TRMT9B: variants seen among roughly 807,000 people sequenced by gnomAD.
TRMT9B encodes probable tRNA methyltransferase 9B.
TRMT9B carries 16 observed loss-of-function variants against 11.5 expected under a neutral mutation model. The ratio of observed to expected loss-of-function variants is 1.39; its 90% confidence interval spans 0.94 to 2.11. TRMT9B has a LOEUF of 2.11. Among genes scored for constraint, TRMT9B ranks in the 30% most tolerant of loss-of-function variants. The pLI is 0.00. For missense variants in TRMT9B, 941 were observed against 553.8 expected (o/e 1.70, Z -7.02); for synonymous variants, 274 against 192.4 (o/e 1.42, Z -3.51).
At chr8:12,994,665 C>T (rs957437827) in intron 2 of TRMT9B, among the ~76,000 whole-genome samples, 1 of 152,256 alleles carries the variant, frequency 6.6e-6, no homozygotes, top group South Asian at 2.1e-4. Context: ...GCAATTTAAA[C>T]GACAAGAAAC....
chr8:12,970,614 G>C (rs912373288), intron 1 of TRMT9B, among the ~76,000 whole-genome samples: 2 of 152,240 alleles, frequency 1.3e-5, no homozygotes, highest in Non-Finnish European at 2.9e-5. Flanking sequence ...TCAAATGTGT[G>C]AGATGGTTAA....
chr8:12,983,788 G>C (rs1472590103), intron 1 of TRMT9B, among the ~76,000 whole-genome samples: 1 of 152,038 alleles, frequency 6.6e-6, no homozygotes, highest in Non-Finnish European at 1.5e-5. Context: ...TAAAATACAG[G>C]GTACAGTAGC....
At chr8:13,010,807 C>G in intron 3 of TRMT9B, 4 of 983,006 alleles carry the variant, frequency 4.1e-6, no homozygotes, top group Non-Finnish European at 4.8e-6. Context: ...TTTTGAAATA[C>G]ACAGGATTTT....
intron 2 of TRMT9B, among the ~76,000 whole-genome samples, chr8:12,998,286 T>A (rs1391887376): frequency 6.6e-6 from 1 of 152,244 alleles, no homozygotes; most frequent in Non-Finnish European, 1.5e-5. Flanking sequence ...GTAAGAAATT[T>A]TAACTTACTC....
intron 4 of TRMT9B, among the ~76,000 whole-genome samples, chr8:13,019,752 T>G (rs539473006): frequency 6.6e-6 from 1 of 152,322 alleles, no homozygotes; most frequent in South Asian, 2.1e-4. Flanking sequence ...AAAGGACTCT[T>G]CTTTTCGGGA....
At chr8:13,000,947 G>A (rs1440512146) in intron 2 of TRMT9B, among the ~76,000 whole-genome samples, 1 of 152,064 alleles carries the variant, frequency 6.6e-6, no homozygotes, top group Non-Finnish European at 1.5e-5. Context: ...ACTGTAAAAT[G>A]AACAGGTTTC....
intron 2 of TRMT9B, among the ~76,000 whole-genome samples, chr8:12,998,612 C>T (rs1563392462): frequency 1.3e-5 from 2 of 152,210 alleles, no homozygotes; most frequent in African/African-American, 4.8e-5. Context: ...GTATAAAAAG[C>T]ACCGTCTTGA....
intron 1 of TRMT9B, among the ~76,000 whole-genome samples, chr8:12,985,681 A>G (rs979507046): frequency 6.6e-6 from 1 of 152,156 alleles, no homozygotes; most frequent in Admixed American, 6.6e-5. Flanking sequence ...AATTAAATTT[A>G]GTTATAGTAG....
intron 1 of TRMT9B, among the ~76,000 whole-genome samples, chr8:12,966,195 T>A (rs919958080): frequency 2.0e-5 from 3 of 151,856 alleles, no homozygotes; most frequent in Non-Finnish European, 4.4e-5. Flanking sequence ...TAGCCTGGCA[T>A]GGTGACCCAT....
chr8:12,952,402 G>T (rs1295950443), intron 1 of TRMT9B: 4 of 311,968 alleles, frequency 1.3e-5, no homozygotes, highest in South Asian at 9.4e-5. Flanking sequence ...GCCCGGGGTG[G>T]CTGTTTACCT....
chr8:13,006,805 A>T (rs991114453), intron 3 of TRMT9B: 2 of 373,000 alleles, frequency 5.4e-6, no homozygotes. Flanking sequence ...AATAGCTATG[A>T]TTACAGGCAC....
chr8:13,006,000 A>G lies in TRMT9B; in HGVS notation c.-1-202A>G, dbSNP rs183590954. Among the ~76,000 whole-genome samples, 294 of 152,360 alleles carry G rather than the reference A, an allele frequency of 1.9e-3. 3 individuals are homozygous for G. Among genetic ancestry groups the G allele is most frequent in the African/African-American group, 6.7e-3 (278 of 41,588 alleles). On this transcript the variant is annotated intron_variant, in intron 2 of 4. Coordinates refer to ENST00000524591, the MANE Select transcript of TRMT9B (RefSeq NM_020844.3). ...AATTGTTTTCCTTAACATGGCAGGT[A>G]AAAACCATGCATTTGCTAGTCTTTT...
At chr8:12,947,664 T>C (rs1471783755) in intron 1 of TRMT9B, among the ~76,000 whole-genome samples, 2 of 152,218 alleles carry the variant, frequency 1.3e-5, no homozygotes, top group African/African-American at 2.4e-5. Context: ...TGAGGATAAG[T>C]AAAATAATGG....
chr8:12,993,476 C>G (rs960252748), intron 2 of TRMT9B, among the ~76,000 whole-genome samples: 2 of 152,130 alleles, frequency 1.3e-5, no homozygotes, highest in Non-Finnish European at 2.9e-5. Context: ...GGTTGTGTTG[C>G]CAACTCCCAT....
chr8:13,001,689 A>C (rs28429164), intron 2 of TRMT9B, among the ~76,000 whole-genome samples: 4,198 of 152,244 alleles, frequency 0.028, 191 homozygotes, highest in African/African-American at 0.096. Context: ...AAAAAGCGAG[A>C]TTTTTGAAAC....
chr8:12,952,648 A>G (rs1175129377), intron 1 of TRMT9B: 1 of 982,432 alleles, frequency 1.0e-6, no homozygotes, highest in Non-Finnish European at 1.2e-6. Context: ...TGAAGCCAGA[A>G]AGTTTTCAAA....
Position 13,020,696 on chromosome 8 carries a change from C to G in TRMT9B, c.329-312C>G, listed in dbSNP as rs141890814. Among the ~76,000 whole-genome samples, 355 of 152,268 alleles carry G rather than the reference C, an allele frequency of 2.3e-3. 1 individual carries two copies. Among genetic ancestry groups the G allele is most frequent in the African/African-American group, 8.0e-3 (332 of 41,550 alleles). ...AAAAAAAATCCATAGTATTTTGGAA[C>G]TGGAAGAGACTTTATGGATTTATGG... On this transcript the variant is annotated intron_variant, in intron 4 of 4. Transcript: ENST00000524591.
At chr8:12,973,661 G>A (rs1038967191) in intron 1 of TRMT9B, among the ~76,000 whole-genome samples, 1 of 152,100 alleles carries the variant, frequency 6.6e-6, no homozygotes, top group Non-Finnish European at 1.5e-5. Context: ...AGGGGTGGAT[G>A]ACATGGAACT....
chr8:12,960,965 A>G (rs2947377), intron 1 of TRMT9B, among the ~76,000 whole-genome samples: 31,532 of 151,922 alleles, frequency 0.21, 3,922 homozygotes, highest in East Asian at 0.5. Context: ...AAGTAGTGAA[A>G]CCTTGTCTCT....
Sources: gnomAD v4.1 joint callset for allele counts (sites outside exome capture counted in the v4.1 genomes callset) on GRCh38, gnomAD v4.1.1 for gene constraint, MANE v1.5 for transcripts, NCBI Gene and HGNC (gene_info 2026-07-23, HGNC 2026-07-21) for gene names.